COBL: variants seen among roughly 807,000 people sequenced by gnomAD.
COBL encodes the protein cordon-bleu WH2 repeat protein, also known as protein cordon-bleu.
Under a neutral mutation model 98.8 loss-of-function variants are expected in COBL, and 51 were observed. That is an observed-to-expected ratio of 0.52 (90% CI 0.41 to 0.65). The LOEUF (loss-of-function observed/expected upper bound fraction) is 0.65, where lower values mean the gene tolerates loss of function less well. Ranked by LOEUF, COBL falls within the 30% of genes least tolerant of loss-of-function variation. The probability of loss-of-function intolerance (pLI) is 0.00; values close to 1 mark genes in which losing one functional copy is unlikely to be tolerated. For missense variants in COBL, 1,617 were observed against 1,617.5 expected (o/e 1.00, Z 0.01); for synonymous variants, 634 against 651.7 (o/e 0.97, Z 0.41).
intron 1 of COBL, among the ~76,000 whole-genome samples, chr7:51,264,408 C>T (rs978841186): frequency 4.6e-5 from 7 of 152,122 alleles, no homozygotes; most frequent in Admixed American, 1.3e-4. Flanking sequence ...TGGTGGCTCA[C>T]GCCTGTAATC....
intron 5 of COBL, among the ~76,000 whole-genome samples, chr7:51,163,123 A>T (rs867240438): frequency 6.6e-6 from 1 of 152,352 alleles, no homozygotes. Flanking sequence ...AATAGAGGAC[A>T]TTCAAAGCAG....
rs541331449 is a variant in COBL at position 51,019,447 on chromosome 7, C to T, written c.3769-1879G>A. On this transcript the variant is annotated intron_variant, in intron 12 of 12. Coordinates refer to ENST00000265136, the MANE Select transcript of COBL (RefSeq NM_015198.5). ...GCATTATGAAGGAAAAATTATGTGA[C>T]GCTGTATTGGGAACCTAATCTAGAC... Among the ~76,000 whole-genome samples the T allele has an allele frequency of 2.6e-4, 40 of 152,236 alleles. No homozygotes were observed. The South Asian group carries it at 7.3e-3, about 28-fold the overall frequency.
intron 1 of COBL, among the ~76,000 whole-genome samples, chr7:51,221,293 A>G (rs1010298057): frequency 7.2e-5 from 11 of 152,178 alleles, no homozygotes; most frequent in Admixed American, 3.3e-4. Flanking sequence ...GGCATGAGGG[A>G]TCAGAGACAC....
At chr7:51,096,106 AT>A (rs1363389906) in intron 6 of COBL, among the ~76,000 whole-genome samples, 1 of 152,166 alleles carries the variant, frequency 6.6e-6, no homozygotes, top group Non-Finnish European at 1.5e-5. Context: ...GATAGATCAC[AT>A]TTAAAGCCAC....
intron 1 of COBL, among the ~76,000 whole-genome samples, chr7:51,306,656 C>G (rs7794847): frequency 0.34 from 51,819 of 152,050 alleles, 9,902 homozygotes; most frequent in South Asian, 0.44. Flanking sequence ...TGCTCAGCAA[C>G]AGCTGAGTTT....
intron 5 of COBL, among the ~76,000 whole-genome samples, chr7:51,146,888 T>C (rs764304285): frequency 6.6e-6 from 1 of 151,982 alleles, no homozygotes; most frequent in Non-Finnish European, 1.5e-5. Context: ...TGTGATCCAT[T>C]GGGAAGTTGG....
chr7:51,217,390 G>T (rs1211670630), intron 2 of COBL, among the ~76,000 whole-genome samples: 3 of 134,814 alleles, frequency 2.2e-5, no homozygotes, highest in African/African-American at 8.7e-5. Context: ...TGCCCAGGCT[G>T]TAATGCAATG....
chr7:51,241,302 T>C (rs1049925986), intron 1 of COBL, among the ~76,000 whole-genome samples: 4 of 152,232 alleles, frequency 2.6e-5, no homozygotes, highest in African/African-American at 9.6e-5. Flanking sequence ...AGTATGTCTA[T>C]ATTTGCAGCC....
Position 51,029,226 on chromosome 7 carries a change from G to C in COBL, c.1870C>G (p.Leu624Val). Residue 624 changes from leucine to valine, a missense_variant, in exon 10 of 13, where the codon CTA (leucine) becomes GTA (valine). By Grantham distance (32) the Leu-to-Val change is conservative (BLOSUM62 1). This residue lies in a region of COBL where 1,304 missense variants were observed against 1,282.0 expected (regional missense o/e 1.02). Coordinates refer to ENST00000265136, the MANE Select transcript of COBL (RefSeq NM_015198.5). Reference protein sequence around the residue: ...ALSNISKDGNLMETAPRVTSF... With the variant: ...ALSNISKDGNVMETAPRVTSF... ...GTCACCCTGGGCGCCGTTTCCATTA[G>C]ATTCCCATCTTTAGAGATGTTAGAT... The C allele has an allele frequency of 6.2e-7, 1 of 1,614,012 alleles. No individual in the cohort carries two copies. Among genetic ancestry groups the C allele is most frequent in the Non-Finnish European group, 8.5e-7 (1 of 1,179,958 alleles).
intron 8 of COBL, among the ~76,000 whole-genome samples, chr7:51,042,478 G>A (rs1789294419): frequency 6.6e-6 from 1 of 152,072 alleles, no homozygotes; most frequent in Non-Finnish European, 1.5e-5. Context: ...TCCCATCTCA[G>A]CCTCCAGAGT....
rs369574594 is a variant in COBL at position 51,240,018 on chromosome 7, A to G, written c.42-20074T>C. Among the ~76,000 whole-genome samples the G allele has an allele frequency of 2.2e-4, 34 of 152,364 alleles. 1 individual carries two copies. In the East Asian group the frequency reaches 6.6e-3, roughly 29 times the overall value. ...CCAATACAATCTCACTTATGGACAC[A>G]ATTTTGAATCTCATATAATTTTTTT... On this transcript the variant is annotated intron_variant, in intron 1 of 12. Coordinates refer to ENST00000265136, the MANE Select transcript of COBL (RefSeq NM_015198.5).
chr7:51,162,359 G>A (rs1164381218), intron 5 of COBL, among the ~76,000 whole-genome samples: 1 of 152,202 alleles, frequency 6.6e-6, no homozygotes, highest in Admixed American at 6.5e-5. Context: ...CTTAAAGTTA[G>A]TTGAAAGATG....
intron 5 of COBL, among the ~76,000 whole-genome samples, chr7:51,164,369 A>T (rs570025203): frequency 6.6e-6 from 1 of 152,324 alleles, no homozygotes; most frequent in East Asian, 1.9e-4. Context: ...TCCTAAAAGC[A>T]GGAAGAGAAA....
At chr7:51,110,111 G>A (rs1796690252) in intron 6 of COBL, among the ~76,000 whole-genome samples, 1 of 152,148 alleles carries the variant, frequency 6.6e-6, no homozygotes, top group Non-Finnish European at 1.5e-5. Flanking sequence ...GCATTTCTTT[G>A]TATTGTAAAC....
At position 51,301,701 on chromosome 7, in the gene COBL, C is replaced by T. The variant is rs538865267; in HGVS notation, c.41+14892G>A. Reference sequence around the variant, plus strand: ...CCAAACCCCCACATTGCCTGCCCACCGCTACGTGGTTCCAAGCCACAGATT... The same window carrying T: ...CCAAACCCCCACATTGCCTGCCCACTGCTACGTGGTTCCAAGCCACAGATT... On this transcript the variant is annotated intron_variant, in intron 1 of 12. Transcript: ENST00000265136. Among the ~76,000 whole-genome samples, 24 of 152,334 alleles carry T rather than the reference C, an allele frequency of 1.6e-4. No homozygotes were observed. The South Asian group carries it at 4.8e-3, about 30-fold the overall frequency.
intron 1 of COBL, among the ~76,000 whole-genome samples, chr7:51,228,440 T>C (rs970779171): frequency 1.3e-5 from 2 of 150,938 alleles, no homozygotes; most frequent in African/African-American, 4.9e-5. Flanking sequence ...TCTGCGAGGG[T>C]AGAGTAGAAG....
chr7:51,093,900 A>G (rs1583768558), intron 6 of COBL, among the ~76,000 whole-genome samples: 1 of 143,698 alleles, frequency 7.0e-6, no homozygotes, highest in East Asian at 2.0e-4. Flanking sequence ...ACACCAAAAG[A>G]AAAAAAAAAA....
At chr7:51,178,149 ACT>A in intron 5 of COBL, among the ~76,000 whole-genome samples, 1 of 149,084 alleles carries the variant, frequency 6.7e-6, no homozygotes, top group East Asian at 2.0e-4. Flanking sequence ...ACACTCTCTC[ACT>A]CTCTGTCTCT....
chr7:51,244,431 G>A (rs1018856585), intron 1 of COBL, among the ~76,000 whole-genome samples: 4 of 152,336 alleles, frequency 2.6e-5, no homozygotes, highest in East Asian at 3.9e-4. Flanking sequence ...TTGCCAGGCT[G>A]CTGTAATAGC....
Sources: allele counts gnomAD v4.1 joint callset (sites outside exome capture counted in the v4.1 genomes callset), GRCh38; gene constraint gnomAD v4.1.1; regional missense constraint gnomAD v4.1.1; transcripts MANE v1.5; gene names NCBI Gene and HGNC (gene_info 2026-07-23, HGNC 2026-07-21).